The following GPM6A variants were observed in gnomAD, a reference collection of about 807,000 sequenced individuals.
The protein encoded by GPM6A is glycoprotein M6A, also known as neuronal membrane glycoprotein M6-a.
In GPM6A, 7 loss-of-function variants were observed where a neutral mutation model predicts 32.1. The ratio of observed to expected loss-of-function variants is 0.22; its 90% CI spans 0.12 to 0.41. The LOEUF (loss-of-function observed/expected upper bound fraction) is 0.41, where lower values mean the gene tolerates loss of function less well. Ranked by LOEUF, GPM6A falls within the 10% of genes least tolerant of loss-of-function variation. The pLI is 1.00. For missense variants in GPM6A, 235 were observed against 347.2 expected (o/e 0.68, Z 2.57); for synonymous variants, 130 against 123.4 (o/e 1.05, Z -0.35).
At chr4:175,729,272 C>T (rs1220916004) in intron 1 of GPM6A, among the ~76,000 whole-genome samples, 1 of 152,024 alleles carries the variant, frequency 6.6e-6, no homozygotes, top group Admixed American at 6.5e-5. Flanking sequence ...AAAGTGTTCC[C>T]GTTTCAGTGA....
chr4:175,868,061 A>T (rs552732689), intron 1 of GPM6A, among the ~76,000 whole-genome samples: 1 of 152,064 alleles, frequency 6.6e-6, no homozygotes, highest in Non-Finnish European at 1.5e-5. Context: ...TGTCCCCGTG[A>T]CTCGGTTTCT....
At chr4:175,712,320 C>T (rs1034637154) in intron 1 of GPM6A, among the ~76,000 whole-genome samples, 1 of 152,314 alleles carries the variant, frequency 6.6e-6, no homozygotes, top group African/African-American at 2.4e-5. Context: ...CCTCCTGCTG[C>T]CCTGCGGCCA....
At chr4:175,871,130 T>C (rs1453993053) in intron 1 of GPM6A, among the ~76,000 whole-genome samples, 1 of 151,924 alleles carries the variant, frequency 6.6e-6, no homozygotes, top group Non-Finnish European at 1.5e-5. Flanking sequence ...TATCTTTACC[T>C]TGAGCAAACA....
chr4:175,890,623 G>A (rs1560981821), intron 1 of GPM6A, among the ~76,000 whole-genome samples: 1 of 151,738 alleles, frequency 6.6e-6, no homozygotes, highest in Admixed American at 6.6e-5. Flanking sequence ...CTGGAGTGCA[G>A]TGGTGCAATC....
intron 4 of GPM6A, chr4:175,642,191 G>C (rs2110889542): frequency 6.6e-6 from 1 of 152,180 alleles, no homozygotes; most frequent in East Asian, 1.9e-4. Context: ...CTGCCAAGAT[G>C]GTTCTAAGAG....
At position 175,714,010 on chromosome 4, in the gene GPM6A, A is replaced by T. The variant is rs910692644; in HGVS notation, c.38-12243T>A. ...ACTTCTGCTATCATATTTGTATTTA[A>T]TAATATCTTTTAATTTTTTTGGTAG... On this transcript the variant is annotated intron_variant, in intron 1 of 6. Transcript: ENST00000393658. Among the ~76,000 whole-genome samples the T allele has an allele frequency of 1.6e-4, 25 of 152,162 alleles. No individual in the cohort carries two copies. The South Asian group carries it at 4.8e-3, about 29-fold the overall frequency.
chr4:175,999,298 G>A (rs915694241), intron 1 of GPM6A, among the ~76,000 whole-genome samples: 1 of 152,080 alleles, frequency 6.6e-6, no homozygotes, highest in African/African-American at 2.4e-5. Flanking sequence ...TTAGAGATTC[G>A]CAGGTTAAAG....
intron 6 of GPM6A, among the ~76,000 whole-genome samples, chr4:175,637,687 TATATA>T (rs1560842790): frequency 1.0e-3 from 2 of 1,926 alleles, no homozygotes; most frequent in Non-Finnish European, 3.0e-3. Flanking sequence ...ATATATATAA[TATATA>T]ATATATTATA....
chr4:175,836,560 C>T (rs1407941890), intron 1 of GPM6A, among the ~76,000 whole-genome samples: 3 of 152,028 alleles, frequency 2.0e-5, no homozygotes, highest in East Asian at 3.9e-4. Flanking sequence ...AAGTTTTAGA[C>T]AGGTTGGCCA....
intron 2 of GPM6A, among the ~76,000 whole-genome samples, chr4:175,693,199 T>G (rs1053751752): frequency 1.3e-5 from 2 of 150,970 alleles, no homozygotes; most frequent in Non-Finnish European, 3.0e-5. Flanking sequence ...ATCACCTAAG[T>G]TTTTTTCTGA....
chr4:175,765,464 T>A (rs1458678353), intron 1 of GPM6A, among the ~76,000 whole-genome samples: 1 of 152,198 alleles, frequency 6.6e-6, no homozygotes, highest in Non-Finnish European at 1.5e-5. Context: ...ATATGACCTG[T>A]AAAGATCAAA....
At chr4:175,738,128 G>T (rs1731738580) in intron 1 of GPM6A, among the ~76,000 whole-genome samples, 1 of 152,080 alleles carries the variant, frequency 6.6e-6, no homozygotes, top group African/African-American at 2.4e-5. Flanking sequence ...AGTAGAGGTG[G>T]GGTTTCACCC....
At chr4:175,700,158 C>A (rs926131178) in intron 2 of GPM6A, among the ~76,000 whole-genome samples, 34 of 151,964 alleles carry the variant, frequency 2.2e-4, no homozygotes, top group Admixed American at 2.2e-3. Context: ...CCACCACACC[C>A]GGCCCACAAC....
At chr4:175,646,830 T>G (rs1189202739) in intron 4 of GPM6A, among the ~76,000 whole-genome samples, 1 of 152,190 alleles carries the variant, frequency 6.6e-6, no homozygotes, top group Non-Finnish European at 1.5e-5. Flanking sequence ...TCATTCATGG[T>G]TACCTCCTTA....
At chr4:175,850,290 G>A (rs2111400624) in intron 1 of GPM6A, among the ~76,000 whole-genome samples, 1 of 152,222 alleles carries the variant, frequency 6.6e-6, no homozygotes, top group South Asian at 2.1e-4. Context: ...AATAAGAAAA[G>A]AAATTAGTGT....
chr4:175,696,520 T>C (rs777860242), intron 2 of GPM6A, among the ~76,000 whole-genome samples: 1 of 152,208 alleles, frequency 6.6e-6, no homozygotes, highest in Non-Finnish European at 1.5e-5. Flanking sequence ...AAATGCACAC[T>C]ATTTATTATT....
intron 1 of GPM6A, among the ~76,000 whole-genome samples, chr4:175,730,131 C>A (rs1402956504): frequency 6.6e-6 from 1 of 151,922 alleles, no homozygotes; most frequent in Non-Finnish European, 1.5e-5. Context: ...CTCTGCATGC[C>A]CTTCTGGCAG....
chr4:175,876,507 T>G (rs17062205), intron 1 of GPM6A, among the ~76,000 whole-genome samples: 6,118 of 152,268 alleles, frequency 0.04, 396 homozygotes, highest in African/African-American at 0.14. Context: ...ACTTCTGTTT[T>G]TGGAGGAGAT....
intron 1 of GPM6A, among the ~76,000 whole-genome samples, chr4:175,707,409 C>T (rs551588725): frequency 2.0e-3 from 300 of 152,306 alleles, no homozygotes; most frequent in Middle Eastern, 3.4e-3. Flanking sequence ...TGCCCTTCTA[C>T]TTTACCAATC....
Sources: allele counts gnomAD v4.1 joint callset (sites outside exome capture counted in the v4.1 genomes callset), GRCh38; gene constraint gnomAD v4.1.1; transcripts MANE v1.5; gene names NCBI Gene and HGNC (gene_info 2026-07-23, HGNC 2026-07-21).